The following DCBLD2 variants were observed in gnomAD, a reference collection of about 807,000 sequenced individuals.
DCBLD2 encodes the protein discoidin, CUB and LCCL domain-containing protein 2.
In DCBLD2, 54 loss-of-function variants were observed where a neutral mutation model predicts 86.8. That is an observed-to-expected ratio of 0.62 (90% CI 0.50 to 0.78). The LOEUF is 0.78. Ranked by LOEUF, DCBLD2 falls within the 30% of genes least tolerant of loss-of-function variation. The probability of loss-of-function intolerance (pLI) is 0.00; values close to 1 mark genes in which losing one functional copy is unlikely to be tolerated. For synonymous variants in DCBLD2, 354 were observed against 341.3 expected (o/e 1.04, Z -0.41); for missense variants, 908 against 954.2 (o/e 0.95, Z 0.64).
Position 98,801,709 on chromosome 3 carries a change from C to T in DCBLD2, c.1671-60G>A, listed in dbSNP as rs147743733. ...GTAAATTCACTGGTAAGCCTGCTCC[C>T]CCTACCCCATGACAGGCCTTGGTAT... On this transcript the variant is annotated intron_variant, in intron 13 of 15. Transcript: ENST00000326840. 2,114 of 1,332,586 alleles carry T rather than the reference C, an allele frequency of 1.6e-3. 39 individuals carry two copies. The African/African-American group carries it at 0.028, about 17-fold the overall frequency. 82.5% of individuals were successfully genotyped at this position (1,332,586 alleles called of 1,614,324 possible). A position where few individuals can be genotyped will look rare whatever the true frequency, so the allele number is the denominator to read the frequency against.
chr3:98,865,584 T>C (rs752969907), intron 2 of DCBLD2, among the ~76,000 whole-genome samples: 1 of 152,202 alleles, frequency 6.6e-6, no homozygotes, highest in Non-Finnish European at 1.5e-5. Context: ...TAAGAGATTT[T>C]TTAAGTGTTC....
intron 2 of DCBLD2, among the ~76,000 whole-genome samples, chr3:98,866,417 T>C (rs1458617694): frequency 2.0e-5 from 3 of 152,232 alleles, no homozygotes; most frequent in South Asian, 2.1e-4. Flanking sequence ...TGGTGTGAGA[T>C]GGTATCTCAT....
In DCBLD2 at chr3:98,797,645, T is replaced by G. The variant is rs1321394335; in HGVS notation, c.*1727A>C. The G allele has an allele frequency of 6.6e-5, 10 of 152,124 alleles. No individual in the cohort carries two copies. The South Asian group carries it at 2.1e-3, about 32-fold the overall frequency. The allele number at this position is 152,124 out of a possible 1,614,324, so 9.4% of individuals were successfully genotyped here. Reference sequence around the variant, plus strand: ...AATGAATGAAATCACGCCTCAAAGTTTGGAGAAGGAAAAGCCAGTGAAAAT... The same window carrying G: ...AATGAATGAAATCACGCCTCAAAGTGTGGAGAAGGAAAAGCCAGTGAAAAT... On this transcript the variant is annotated 3_prime_UTR_variant, in exon 16 of 16. Transcript: ENST00000326840.
chr3:98,830,216 T>C (rs1245419764), intron 3 of DCBLD2, among the ~76,000 whole-genome samples: 1 of 152,270 alleles, frequency 6.6e-6, no homozygotes, highest in Non-Finnish European at 1.5e-5. Flanking sequence ...TAGTTTCTTT[T>C]GCTGTACAGA....
intron 1 of DCBLD2, among the ~76,000 whole-genome samples, chr3:98,887,887 A>T (rs1017732454): frequency 3.3e-5 from 5 of 151,966 alleles, no homozygotes; most frequent in Non-Finnish European, 5.9e-5. Context: ...CCTGGTGTAC[A>T]TTCTATAGGT....
At chr3:98,857,946 G>T (rs1576185177) in intron 2 of DCBLD2, among the ~76,000 whole-genome samples, 1 of 152,262 alleles carries the variant, frequency 6.6e-6, no homozygotes, top group Non-Finnish European at 1.5e-5. Context: ...AGGTGGAGCT[G>T]CCTGCCAGTC....
At chr3:98,888,673 T>A (rs1040050924) in intron 1 of DCBLD2, among the ~76,000 whole-genome samples, 1 of 152,040 alleles carries the variant, frequency 6.6e-6, no homozygotes, top group Admixed American at 6.6e-5. Context: ...ATTGACCCAG[T>A]ACACTTGGCT....
intron 2 of DCBLD2, among the ~76,000 whole-genome samples, chr3:98,862,245 A>C (rs1943057730): frequency 6.6e-6 from 1 of 152,176 alleles, no homozygotes; most frequent in African/African-American, 2.4e-5. Context: ...CCAACCAAAA[A>C]AAGTCCAGGA....
At chr3:98,836,494 T>C (rs1325044906) in intron 3 of DCBLD2, among the ~76,000 whole-genome samples, 6 of 151,964 alleles carry the variant, frequency 3.9e-5, no homozygotes, top group Non-Finnish European at 7.4e-5. Context: ...TGTCTACTTC[T>C]TTCTACACAG....
chr3:98,842,675 G>C (rs1053922783), intron 3 of DCBLD2, among the ~76,000 whole-genome samples: 1 of 152,172 alleles, frequency 6.6e-6, no homozygotes, highest in Non-Finnish European at 1.5e-5. Flanking sequence ...GCTTTCCTAT[G>C]GATGATATAA....
intron 2 of DCBLD2, among the ~76,000 whole-genome samples, chr3:98,878,288 T>C (rs552687795): frequency 1.3e-5 from 2 of 152,280 alleles, no homozygotes; most frequent in South Asian, 4.1e-4. Context: ...TGTGCCATGA[T>C]ATGATACACT....
intron 2 of DCBLD2, among the ~76,000 whole-genome samples, chr3:98,863,796 G>A (rs1406615614): frequency 3.3e-5 from 5 of 152,160 alleles, no homozygotes; most frequent in Non-Finnish European, 5.9e-5. Context: ...TCAGGACATA[G>A]GCATGGACTT....
chr3:98,858,585 CAAAGA>C (rs1180960363), intron 2 of DCBLD2, among the ~76,000 whole-genome samples: 1 of 152,120 alleles, frequency 6.6e-6, no homozygotes, highest in Non-Finnish European at 1.5e-5. Flanking sequence ...TTTCGCATAG[CAAAGA>C]AAACAATCAA....
chr3:98,900,848 G>A (rs1036909573), intron 1 of DCBLD2: 4 of 514,772 alleles, frequency 7.8e-6, no homozygotes, highest in African/African-American at 3.9e-5. Flanking sequence ...TTCCCCAGAA[G>A]GACCTAATAT....
At chr3:98,807,981 AACTCTC>A (rs1941869380) in intron 13 of DCBLD2, 94 bp downstream of exon 13, 1 of 839,994 alleles carries the variant, frequency 1.2e-6, no homozygotes, top group South Asian at 3.4e-5. Flanking sequence ...TAATTACCTT[AACTCTC>A]ACTCTCAAAC....
At chr3:98,875,952 T>A (rs957043355) in intron 2 of DCBLD2, among the ~76,000 whole-genome samples, 1 of 151,954 alleles carries the variant, frequency 6.6e-6, no homozygotes, top group Non-Finnish European at 1.5e-5. Context: ...AATCCCACTA[T>A]GAAAAAAATG....
chr3:98,806,731 T>C (rs1254957309), intron 13 of DCBLD2, among the ~76,000 whole-genome samples: 2 of 152,174 alleles, frequency 1.3e-5, no homozygotes, highest in Non-Finnish European at 2.9e-5. Flanking sequence ...TCATTTTCAT[T>C]CTCCACCAAA....
At chr3:98,850,518 TAAAA>T (rs1181818176) in intron 2 of DCBLD2, among the ~76,000 whole-genome samples, 4 of 151,994 alleles carry the variant, frequency 2.6e-5, no homozygotes, top group Non-Finnish European at 5.9e-5. Flanking sequence ...GATACTAAGA[TAAAA>T]AGAAAGAAGA....
chr3:98,807,640 C>G (rs1021742961), intron 13 of DCBLD2, among the ~76,000 whole-genome samples: 2 of 152,172 alleles, frequency 1.3e-5, no homozygotes, highest in African/African-American at 4.8e-5. Context: ...ATCTAGCCAA[C>G]TACAATTCCT....
Sources: allele counts gnomAD v4.1 joint callset (sites outside exome capture counted in the v4.1 genomes callset), GRCh38; gene constraint gnomAD v4.1.1; transcripts MANE v1.5; gene names NCBI Gene and HGNC (gene_info 2026-07-23, HGNC 2026-07-21).